Variants in SCFD2 observed in about 807,000 individuals in gnomAD.
SCFD2 encodes sec1 family domain containing 2.
In SCFD2, 54 loss-of-function variants were observed where a neutral mutation model predicts 58.9. The ratio of observed to expected loss-of-function variants is 0.92; its 90% CI spans 0.74 to 1.15. The LOEUF is 1.15. Ranked by LOEUF, SCFD2 falls within the 50% of genes most tolerant of loss-of-function variation. SCFD2 has a pLI of 0.00. For synonymous variants in SCFD2, 321 were observed against 335.9 expected, an observed-to-expected ratio of 0.96 and a Z score of 0.49; for missense variants, 805 against 836.6, an observed-to-expected ratio of 0.96 and a Z score of 0.47.
intron 5 of SCFD2, among the ~76,000 whole-genome samples, chr4:53,010,401 T>C (rs1428048243): frequency 2.0e-5 from 3 of 152,350 alleles, no homozygotes; most frequent in South Asian, 2.1e-4. Flanking sequence ...AGTAAATACA[T>C]TGGCAATGAC....
At chr4:53,210,484 TACG>T (rs2148979758) in intron 4 of SCFD2, among the ~76,000 whole-genome samples, 1 of 152,244 alleles carries the variant, frequency 6.6e-6, no homozygotes, top group African/African-American at 2.4e-5. Context: ...TGATGTGTGA[TACG>T]ACAACAGATT....
chr4:52,874,083 C>A, intron 8 of SCFD2, 22 bp from the exon 9 acceptor site: 2 of 1,536,696 alleles, frequency 1.3e-6, no homozygotes, highest in Non-Finnish European at 1.8e-6. Flanking sequence ...AGAGGGCAAA[C>A]ACACCGCAGG....
intron 4 of SCFD2, among the ~76,000 whole-genome samples, chr4:53,170,302 C>T (rs796252731): frequency 3.9e-5 from 6 of 152,142 alleles, no homozygotes; most frequent in South Asian, 4.1e-4. Context: ...CTTTTTCCCA[C>T]TGTGTGGATT....
Position 52,902,956 on chromosome 4 carries a change from A to G in SCFD2, c.1842+4501T>C, listed in dbSNP as rs550732880. ...TCATGAGGAAGGAATGCATGAAAAG[A>G]GACAGCTGTCTATCATTTATAAAAT... On this transcript the variant is annotated intron_variant, in intron 7 of 8. Transcript: ENST00000401642. Among the ~76,000 whole-genome samples the G allele has an allele frequency of 1.4e-4, 22 of 152,350 alleles. No individual in the cohort carries two copies. The South Asian group carries it at 3.9e-3, about 27-fold the overall frequency.
intron 2 of SCFD2, among the ~76,000 whole-genome samples, chr4:53,330,538 C>A (rs1259117534): frequency 1.3e-5 from 2 of 152,058 alleles, no homozygotes; most frequent in Non-Finnish European, 2.9e-5. Flanking sequence ...TACAGACAAG[C>A]AAATGCTGAG....
rs540246813 is a variant in SCFD2, at chr4:53,102,256, C to T, written c.1561+43077G>A. ...CATTCCTCATGTCATCCAGTAAGCA[C>T]AAACTTCAAATAGATCAGATTTTTA... is the stretch of plus-strand genomic sequence containing the variant. On this transcript the variant is annotated intron_variant, in intron 5 of 8. Transcript: ENST00000401642. Among the ~76,000 whole-genome samples, 9 of 152,188 alleles carry T rather than the reference C, an allele frequency of 5.9e-5. No individual in the cohort carries two copies. The South Asian group carries it at 1.9e-3, about 32-fold the overall frequency.
chr4:53,300,354 G>T (rs564901730), intron 3 of SCFD2, among the ~76,000 whole-genome samples: 1 of 152,042 alleles, frequency 6.6e-6, no homozygotes, highest in Non-Finnish European at 1.5e-5. Flanking sequence ...GACAAAGAAG[G>T]TCATTACATA....
In SCFD2 at chr4:52,874,043, G is replaced by A. The variant is rs143013352; in HGVS notation, c.1981C>T (p.Arg661Ter). 6.9e-5 allele frequency: 112 copies of A among 1,613,710 alleles called. No individual in the cohort carries two copies. Among genetic ancestry groups the A allele is most frequent in the East Asian group, 1.8e-4 (8 of 44,868 alleles). Residue 661 changes from arginine to a stop codon, truncating the protein, a stop_gained, in exon 9 of 9, where the codon CGA (arginine) becomes TGA (stop). Transcript: ENST00000401642. LOFTEE classifies it high-confidence loss of function. ...GGAATGTTAAGTGGCTTCAGGAGTC[G>A]TGTGGACAGCACGATTACCTAACAA... ...PGTQVIVLST[R>*]LLKPLNIPEL... is the part of the protein sequence containing the mutation.
intron 4 of SCFD2, among the ~76,000 whole-genome samples, chr4:53,205,249 G>C (rs1728370390): frequency 6.6e-6 from 1 of 152,066 alleles, no homozygotes; most frequent in African/African-American, 2.4e-5. Context: ...CAGGAGACAA[G>C]CACACTGAAA....
chr4:53,019,241 A>C (rs1297946727), intron 5 of SCFD2, among the ~76,000 whole-genome samples: 1 of 152,230 alleles, frequency 6.6e-6, no homozygotes, highest in Non-Finnish European at 1.5e-5. Context: ...ATGCTTAAAT[A>C]AAAAATAGTA....
chr4:52,922,868 C>T (rs891173040), intron 5 of SCFD2, among the ~76,000 whole-genome samples: 5 of 152,200 alleles, frequency 3.3e-5, no homozygotes, highest in Admixed American at 2.6e-4. Flanking sequence ...CTAACCAATG[C>T]TTATTATTAG....
intron 5 of SCFD2, among the ~76,000 whole-genome samples, chr4:53,024,162 G>T (rs935748284): frequency 2.6e-5 from 4 of 152,156 alleles, no homozygotes; most frequent in African/African-American, 9.7e-5. Flanking sequence ...GACACCAAGT[G>T]CTAGCCATCA....
chr4:53,322,814 C>A (rs1577966334), intron 2 of SCFD2, among the ~76,000 whole-genome samples: 1 of 152,208 alleles, frequency 6.6e-6, no homozygotes, highest in African/African-American at 2.4e-5. Context: ...TCAGCACTTG[C>A]TCCACTGGGG....
intron 4 of SCFD2, among the ~76,000 whole-genome samples, chr4:53,151,981 T>C (rs547802468): frequency 8.5e-5 from 13 of 152,274 alleles, no homozygotes; most frequent in Non-Finnish European, 1.8e-4. Context: ...AGAACTCACT[T>C]GTTACGATGA....
chr4:53,163,040 T>C (rs147772613), intron 4 of SCFD2, among the ~76,000 whole-genome samples: 56 of 152,190 alleles, frequency 3.7e-4, no homozygotes, highest in African/African-American at 1.0e-3. Context: ...AGAAATTCTA[T>C]TGGGTAACAA....
chr4:53,247,036 T>C (rs1730103800), intron 4 of SCFD2, among the ~76,000 whole-genome samples: 2 of 144,242 alleles, frequency 1.4e-5, no homozygotes. Flanking sequence ...CATTAAAAAT[T>C]AAGTGGGCAA....
chr4:53,288,532 C>A (rs1055191063), intron 3 of SCFD2, among the ~76,000 whole-genome samples: 3 of 151,956 alleles, frequency 2.0e-5, no homozygotes, highest in African/African-American at 7.2e-5. Flanking sequence ...AGATTACCAG[C>A]GAATTTCTAA....
At chr4:53,313,304 T>TG (rs1732745345) in intron 3 of SCFD2, among the ~76,000 whole-genome samples, 2 of 151,802 alleles carry the variant, frequency 1.3e-5, no homozygotes, top group Admixed American at 1.3e-4. Flanking sequence ...AGGGGAAGAA[T>TG]GGGGGAAAAA....
Position 52,910,456 on chromosome 4 carries a change from T to G in SCFD2, c.1708-2865A>C, listed in dbSNP as rs190071705. ...CATGTCACTATAAAACCTTGTATGT[T>G]TAAGCCACTGTTTTTCAGATCTCTG... On this transcript the variant is annotated intron_variant, in intron 6 of 8. Transcript: ENST00000401642. Among the ~76,000 whole-genome samples the G allele has an allele frequency of 1.7e-3, 256 of 152,332 alleles. 1 individual carries two copies. The highest frequency in any genetic ancestry group is 2.7e-3 in the Non-Finnish European group (186 of 68,026).
Sources: gnomAD v4.1 joint callset for allele counts (sites outside exome capture counted in the v4.1 genomes callset) on GRCh38, gnomAD v4.1.1 for gene constraint, MANE v1.5 for transcripts, NCBI Gene and HGNC (gene_info 2026-07-23, HGNC 2026-07-21) for gene names.